The following ANKFY1 variants were observed in gnomAD, a reference collection of about 807,000 sequenced individuals.
The protein encoded by ANKFY1 is ankyrin repeat and FYVE domain containing 1.
A neutral mutation model predicts 128.3 loss-of-function variants in ANKFY1; 47 were observed. The observed-to-expected ratio is 0.37, with a 90% CI of 0.29 to 0.47. The LOEUF (loss-of-function observed/expected upper bound fraction) is 0.47. Among genes scored for constraint, ANKFY1 ranks in the 20% least tolerant of loss-of-function variants. The pLI, the probability that ANKFY1 is intolerant of heterozygous loss-of-function variation, is 1.00. For missense variants in ANKFY1, 1,222 were observed against 1,510.6 expected (o/e 0.81, Z 3.17); for synonymous variants, 553 against 601.6 (o/e 0.92, Z 1.18).
intron 1 of ANKFY1, chr17:4,263,725 C>T (rs1248684113): frequency 6.8e-7 from 1 of 1,480,872 alleles, no homozygotes; most frequent in Non-Finnish European, 8.9e-7. Flanking sequence ...CCCGCGGGGT[C>T]GGCATCGCGG....
chr17:4,217,050 C>T lies in ANKFY1; in HGVS notation c.391G>A (p.Asp131Asn). The change falls in exon 4 of 25, where the codon GAT (aspartate) becomes AAT (asparagine). Residue 131 changes from aspartate to asparagine, a missense_variant. Asp to Asn is a conservative substitution (Grantham distance 23). Coordinates refer to ENST00000341657, the MANE Select transcript of ANKFY1 (RefSeq NM_001330063.2). ...IYTDELEFRE[D>N]DVFLTELMKL... ...ATCAGTTCAGTCAGGAACACATCATCCTCTCTGAACTCCAGCTCATCTGTA... is the reference window on the plus strand; with the variant it reads ...ATCAGTTCAGTCAGGAACACATCATTCTCTCTGAACTCCAGCTCATCTGTA... 1 of 1,614,104 alleles carries T rather than the reference C, an allele frequency of 6.2e-7. No homozygotes were observed. The highest frequency in any genetic ancestry group is 8.5e-7 in the Non-Finnish European group (1 of 1,180,028).
intron 5 of ANKFY1, among the ~76,000 whole-genome samples, chr17:4,208,390 A>G (rs2060064607): frequency 6.6e-6 from 1 of 152,196 alleles, no homozygotes; most frequent in Non-Finnish European, 1.5e-5. Context: ...CCTCCCAGTG[A>G]GGTGGCAAAA....
chr17:4,228,417 G>GTTT, intron 3 of ANKFY1, among the ~76,000 whole-genome samples: 1 of 145,570 alleles, frequency 6.9e-6, no homozygotes, highest in Admixed American at 6.8e-5. Context: ...TTTTTTGTTA[G>GTTT]TTTTTTTTTT....
intron 22 of ANKFY1, 29 bp from the exon 23 acceptor site, chr17:4,170,890 C>T: frequency 6.2e-7 from 1 of 1,613,784 alleles, no homozygotes; most frequent in East Asian, 2.2e-5. Context: ...CGCAGGGCTA[C>T]TTCCCACCCG....
At chr17:4,236,213 G>A (rs1966896325) in intron 2 of ANKFY1, among the ~76,000 whole-genome samples, 2 of 152,090 alleles carry the variant, frequency 1.3e-5, no homozygotes, top group African/African-American at 4.8e-5. Context: ...AAAAAGTAGA[G>A]GATATTTTAT....
At chr17:4,263,556 C>T (rs1370440921) in intron 1 of ANKFY1, 1 of 1,464,794 alleles carries the variant, frequency 6.8e-7, no homozygotes, top group Non-Finnish European at 9.1e-7. Context: ...GCAGAACGTG[C>T]CAGGACAGCA....
chr17:4,214,445 C>T (rs192071538), intron 4 of ANKFY1, among the ~76,000 whole-genome samples: 2 of 152,148 alleles, frequency 1.3e-5, no homozygotes, highest in Admixed American at 1.3e-4. Flanking sequence ...AGACTTTCAC[C>T]CGAAGGGAAT....
chr17:4,182,596 A>G (rs1327287563), intron 14 of ANKFY1, among the ~76,000 whole-genome samples: 1 of 152,218 alleles, frequency 6.6e-6, no homozygotes, highest in Non-Finnish European at 1.5e-5. Context: ...TCTTATAGTT[A>G]CTTTTTAAAG....
At chr17:4,258,002 T>C (rs999879068) in intron 1 of ANKFY1, among the ~76,000 whole-genome samples, 19 of 152,210 alleles carry the variant, frequency 1.2e-4, no homozygotes, top group Non-Finnish European at 1.5e-5. Context: ...CTCAGCACAA[T>C]TCAGTAGCTT....
At chr17:4,251,951 T>C (rs2143496947) in intron 1 of ANKFY1, among the ~76,000 whole-genome samples, 1 of 151,558 alleles carries the variant, frequency 6.6e-6, no homozygotes, top group East Asian at 1.9e-4. Flanking sequence ...GGGGAATCAC[T>C]TGAATCCGGG....
At position 4,177,314 on chromosome 17, in the gene ANKFY1, A is replaced by C; in HGVS notation, c.2599-12T>G. 1 of 1,565,796 alleles carries C rather than the reference A, an allele frequency of 6.4e-7. No homozygotes were observed. The highest frequency in any genetic ancestry group is 8.7e-7 in the Non-Finnish European group (1 of 1,153,872). ...CCCTTGTTATCCACCTACAGCAACA[A>C]GTGCAAAGCAAAATATTAGTTCCCT... On this transcript the variant is annotated splice_polypyrimidine_tract_variant and intron_variant, in intron 18 of 24. Coordinates refer to ENST00000341657, the MANE Select transcript of ANKFY1 (RefSeq NM_001330063.2).
Position 4,178,838 on chromosome 17 carries a change from T to A in ANKFY1, c.2598+19A>T. On this transcript the variant is annotated intron_variant, in intron 18 of 24. Transcript: ENST00000341657. The surrounding 1 kb of genome is among the most constrained non-coding windows in gnomAD (Gnocchi z 4.1). ...GACGCCCAGGACCATGTGGAGAAGG[T>A]CAGGTGTTATTCACTCACCTGCTCA... 1.2e-6 allele frequency: 2 copies of A among 1,611,484 alleles called. No homozygotes were observed. Among genetic ancestry groups the A allele is most frequent in the South Asian group, 1.1e-5 (1 of 90,990 alleles).
chr17:4,173,426 A>C lies in ANKFY1; in HGVS notation c.2942T>G (p.Met981Arg). The change falls in exon 21 of 25, where the codon ATG (methionine) becomes AGG (arginine). Residue 981 changes from methionine (M) to arginine (R), a missense_variant. Coordinates refer to ENST00000341657, the MANE Select transcript of ANKFY1 (RefSeq NM_001330063.2). ...CCGGATGTTGTTGAGCCGGCCGTGC[A>C]TGACAGCAAGATGAAGAGCTGGGAA... Reference protein sequence around the residue: ...NGNNALHLAVMHGRLNNIRVL... With the variant: ...NGNNALHLAVRHGRLNNIRVL... The C allele has an allele frequency of 1.9e-6, 3 of 1,614,190 alleles. No homozygotes were observed. Among genetic ancestry groups the C allele is most frequent in the Non-Finnish European group, 2.5e-6 (3 of 1,179,988 alleles).
At chr17:4,171,427 C>T (rs984768649) in intron 22 of ANKFY1, among the ~76,000 whole-genome samples, 8 of 152,196 alleles carry the variant, frequency 5.3e-5, no homozygotes, top group South Asian at 4.1e-4. Context: ...AACTGTCGCT[C>T]CCTCTGCTTC....
intron 23 of ANKFY1, among the ~76,000 whole-genome samples, chr17:4,170,352 G>A (rs1009643698): frequency 6.6e-6 from 1 of 152,206 alleles, no homozygotes; most frequent in African/African-American, 2.4e-5. Context: ...GATAGGGGCT[G>A]GAGCAGCAGG....
rs778489285 is a variant in ANKFY1 at position 4,197,397 on chromosome 17, G to C, written c.1079C>G (p.Pro360Arg). Residue 360 changes from proline (P) to arginine (R), a missense_variant, in exon 8 of 25, where the codon CCC becomes CGC. Pro to Arg is a moderately radical substitution (Grantham distance 103). Transcript: ENST00000341657. Reference sequence around the variant, plus strand: ...CCTCCCCTTGCTGTCCTGCATGTTGGGGTTGGCACCAGCCTGCAGAAGGGC... The same window carrying C: ...CCTCCCCTTGCTGTCCTGCATGTTGCGGTTGGCACCAGCCTGCAGAAGGGC... ...AEALLQAGANPNMQDSKGRTP... is the reference protein window; with the variant it reads ...AEALLQAGANRNMQDSKGRTP... 4 of 1,614,034 alleles carry C rather than the reference G, an allele frequency of 2.5e-6. No homozygotes were observed. Among genetic ancestry groups the C allele is most frequent in the Non-Finnish European group, 3.4e-6 (4 of 1,180,048 alleles).
intron 4 of ANKFY1, among the ~76,000 whole-genome samples, chr17:4,215,438 C>T (rs1330369418): frequency 2.0e-5 from 3 of 152,126 alleles, no homozygotes; most frequent in Admixed American, 2.0e-4. Context: ...CCCCACATTA[C>T]AAAAAGAGCA....
chr17:4,205,468 C>T (rs143122300), intron 7 of ANKFY1, among the ~76,000 whole-genome samples: 1,573 of 152,056 alleles, frequency 0.01, 16 homozygotes, highest in Non-Finnish European at 0.016. Context: ...TCTGGGAGGA[C>T]GCGGTGGCTC....
intron 1 of ANKFY1, among the ~76,000 whole-genome samples, chr17:4,243,218 C>G (rs1967348741): frequency 6.6e-6 from 1 of 152,124 alleles, no homozygotes; most frequent in South Asian, 2.1e-4. Flanking sequence ...AGGCACATGC[C>G]ACCATGCCCA....
Sources: gnomAD v4.1 joint callset for allele counts (sites outside exome capture counted in the v4.1 genomes callset) on GRCh38, gnomAD v4.1.1 for gene constraint, Gnocchi (gnomAD v3.1) non-coding constraint, MANE v1.5 for transcripts, NCBI Gene and HGNC (gene_info 2026-07-23, HGNC 2026-07-21) for gene names.